LIN28B: variants seen among roughly 807,000 people sequenced by gnomAD.
LIN28B encodes lin-28 RNA binding posttranscriptional regulator B.
A neutral mutation model predicts 21.9 loss-of-function variants in LIN28B; 5 were observed. That is an observed-to-expected ratio of 0.23 (90% CI 0.12 to 0.48). The LOEUF (loss-of-function observed/expected upper bound fraction) is 0.48, where lower values mean the gene tolerates loss of function less well. Ranked by LOEUF, LIN28B falls within the 20% of genes least tolerant of loss-of-function variation. The pLI is 0.98. For synonymous variants in LIN28B, 109 were observed against 111.3 expected (o/e 0.98, Z 0.13); for missense variants, 245 against 310.5 (o/e 0.79, Z 1.58).
At chr6:104,962,877 T>C (rs1469233807) in intron 2 of LIN28B, among the ~76,000 whole-genome samples, 2 of 152,138 alleles carry the variant, frequency 1.3e-5, no homozygotes, top group Admixed American at 6.5e-5. Flanking sequence ...AACTTGAAAA[T>C]GTGAACATAA....
At chr6:104,938,939 TTTTAA>T (rs1778047597) in intron 2 of LIN28B, among the ~76,000 whole-genome samples, 1 of 152,206 alleles carries the variant, frequency 6.6e-6, no homozygotes, top group Non-Finnish European at 1.5e-5. Context: ...CTGGGTTGTG[TTTTAA>T]TTTTTTATTT....
intron 2 of LIN28B, among the ~76,000 whole-genome samples, chr6:104,950,068 G>T (rs1472689176): frequency 6.6e-6 from 1 of 152,104 alleles, no homozygotes; most frequent in Non-Finnish European, 1.5e-5. Flanking sequence ...AGTCAAAGAA[G>T]TTAGTTCTTC....
At chr6:104,946,082 A>C (rs1206374632) in intron 2 of LIN28B, among the ~76,000 whole-genome samples, 3 of 151,936 alleles carry the variant, frequency 2.0e-5, no homozygotes, top group African/African-American at 7.2e-5. Context: ...TATATTCTAA[A>C]TTAAATTATA....
At chr6:104,984,662 C>T (rs1018361491) in intron 2 of LIN28B, among the ~76,000 whole-genome samples, 2 of 152,044 alleles carry the variant, frequency 1.3e-5, no homozygotes, top group African/African-American at 2.4e-5. Context: ...TCTTGAACAC[C>T]TGGCCTCAAA....
At chr6:105,027,263 T>C (rs1771304595) in intron 3 of LIN28B, among the ~76,000 whole-genome samples, 1 of 152,106 alleles carries the variant, frequency 6.6e-6, no homozygotes, top group African/African-American at 2.4e-5. Context: ...CAGAAATGAT[T>C]AGCGGGCCAG....
intron 2 of LIN28B, among the ~76,000 whole-genome samples, chr6:104,989,666 T>A (rs965526560): frequency 4.0e-5 from 5 of 126,452 alleles, no homozygotes; most frequent in Non-Finnish European, 8.3e-5. Flanking sequence ...TGATCTAGGC[T>A]CGCTGCAGCC....
At chr6:104,962,366 C>T (rs1020474261) in intron 2 of LIN28B, among the ~76,000 whole-genome samples, 12 of 151,848 alleles carry the variant, frequency 7.9e-5, no homozygotes, top group African/African-American at 2.7e-4. Context: ...CTTCATTTAC[C>T]TTACAAGTAT....
intron 3 of LIN28B, among the ~76,000 whole-genome samples, chr6:105,044,478 A>G (rs1439174087): frequency 6.6e-6 from 1 of 152,178 alleles, no homozygotes; most frequent in Non-Finnish European, 1.5e-5. Flanking sequence ...TGGTATTTTT[A>G]TAGGAATTCA....
intron 2 of LIN28B, among the ~76,000 whole-genome samples, chr6:104,946,762 TATAGA>T (rs1778160853): frequency 6.6e-6 from 1 of 152,160 alleles, no homozygotes; most frequent in African/African-American, 2.4e-5. Context: ...TGACACATAC[TATAGA>T]TTAATTTTTC....
chr6:104,964,204 G>T (rs1769811244), intron 2 of LIN28B, among the ~76,000 whole-genome samples: 1 of 152,110 alleles, frequency 6.6e-6, no homozygotes, highest in Admixed American at 6.5e-5. Flanking sequence ...GCACTGTGTT[G>T]TTTTTGTTTT....
At position 105,032,433 on chromosome 6, in the gene LIN28B, T is replaced by A. The variant is rs139423592; in HGVS notation, c.383+5951T>A. On this transcript the variant is annotated intron_variant, in intron 3 of 3. Transcript: ENST00000345080. ...GCCAGCATTTGGTATTGCCAATTTT[T>A]AAAAATTTTGGCCCCGTGTGGTGGC... is the stretch of plus-strand genomic sequence containing the variant. Among the ~76,000 whole-genome samples, 122 of 152,310 alleles carry A rather than the reference T, an allele frequency of 8.0e-4. 2 individuals are homozygous for A. The East Asian group carries it at 0.017, about 22-fold the overall frequency.
intron 3 of LIN28B, among the ~76,000 whole-genome samples, chr6:105,051,959 G>A (rs1771916053): frequency 6.6e-6 from 1 of 152,196 alleles, no homozygotes; most frequent in Admixed American, 6.5e-5. Context: ...TTATAGCAGT[G>A]TAAGGGGACA....
chr6:105,059,686 C>T (rs1772089300), intron 3 of LIN28B, among the ~76,000 whole-genome samples: 1 of 152,040 alleles, frequency 6.6e-6, no homozygotes, highest in Non-Finnish European at 1.5e-5. Context: ...CAGTGGGTGC[C>T]CGTTACTCTG....
intron 2 of LIN28B, among the ~76,000 whole-genome samples, chr6:104,950,230 T>C (rs1450911031): frequency 6.6e-6 from 1 of 152,026 alleles, no homozygotes; most frequent in East Asian, 1.9e-4. Context: ...TGGTCTTAAA[T>C]GTTGTAAATG....
intron 2 of LIN28B, among the ~76,000 whole-genome samples, chr6:104,948,746 T>G (rs1444758749): frequency 6.6e-6 from 1 of 152,204 alleles, no homozygotes; most frequent in Non-Finnish European, 1.5e-5. Context: ...TTGAACAATT[T>G]TAAACCATTA....
chr6:104,961,295 A>G (rs1769732966), intron 2 of LIN28B, among the ~76,000 whole-genome samples: 1 of 152,154 alleles, frequency 6.6e-6, no homozygotes, highest in Non-Finnish European at 1.5e-5. Context: ...AATTTTGATG[A>G]TTTTATTTTT....
intron 2 of LIN28B, among the ~76,000 whole-genome samples, chr6:105,011,560 C>T (rs1159091601): frequency 6.6e-6 from 1 of 152,186 alleles, no homozygotes; most frequent in Non-Finnish European, 1.5e-5. Flanking sequence ...TTACATCACC[C>T]TGTGGGAATT....
rs1769848146 is a variant in LIN28B at position 104,966,022 on chromosome 6, T to C, written c.198+7736T>C. Among the ~76,000 whole-genome samples the C allele has an allele frequency of 2.0e-5, 3 of 152,218 alleles. 1 individual carries two copies. Among genetic ancestry groups the C allele is most frequent in the Admixed American group, 2.0e-4 (3 of 15,276 alleles). ...TTACCTTGTCAGTGTCTCAATGGCC[T>C]ATAAATCGGAGGACAAAAATAGTAC... On this transcript the variant is annotated intron_variant, in intron 2 of 3. Transcript: ENST00000345080.
chr6:105,007,764 A>G (rs1770846126), intron 2 of LIN28B, among the ~76,000 whole-genome samples: 1 of 152,072 alleles, frequency 6.6e-6, no homozygotes, highest in Admixed American at 6.6e-5. Flanking sequence ...TGCTGGGATC[A>G]TAGGCATGAG....
Sources: allele counts gnomAD v4.1 joint callset (sites outside exome capture counted in the v4.1 genomes callset), GRCh38; gene constraint gnomAD v4.1.1; transcripts MANE v1.5; gene names NCBI Gene and HGNC (gene_info 2026-07-23, HGNC 2026-07-21).